The following APBB2 variants were observed in gnomAD, a reference collection of about 807,000 sequenced individuals.
The protein encoded by APBB2 is Fe65-like 1.
In APBB2, 38 loss-of-function variants were observed where a neutral mutation model predicts 82.5. The ratio of observed to expected loss-of-function variants is 0.46; its 90% CI spans 0.36 to 0.60. APBB2 has a LOEUF of 0.60. APBB2 is among the 20% of genes least tolerant of loss of function. The probability of loss-of-function intolerance (pLI) is 0.00; values close to 1 mark genes in which losing one functional copy is unlikely to be tolerated. For missense variants in APBB2, 772 were observed against 972.3 expected (o/e 0.79, Z 2.74); for synonymous variants, 341 against 368.2 (o/e 0.93, Z 0.85).
At chr4:40,854,790 C>CAAAAAAAAAAAAAAAAAAAAA (rs80240731) in intron 12 of APBB2, among the ~76,000 whole-genome samples, 2 of 124,822 alleles carry the variant, frequency 1.6e-5, no homozygotes, top group African/African-American at 3.2e-5. Flanking sequence ...AGTCCATCTC[C>CAAAAAAAAAAAAAAAAAAAAA]AAAAAAAAAA....
At chr4:40,839,635 ACT>A (rs1755146725) in intron 12 of APBB2, among the ~76,000 whole-genome samples, 2 of 152,082 alleles carry the variant, frequency 1.3e-5, no homozygotes, top group South Asian at 4.2e-4. Flanking sequence ...ACTTTGAAAT[ACT>A]GTCTCCTTAT....
In APBB2 at chr4:40,926,735, G is replaced by A. The variant is rs569874452; in HGVS notation, c.1254+7721C>T. The stretch of plus-strand genomic sequence containing the variant: ...CAAAATGATCTTAAAGCTGAGAGAA[G>A]CGATAACTGGGAACAGGTGGGCGTG... On this transcript the variant is annotated intron_variant, in intron 10 of 17. Coordinates refer to ENST00000508593, the MANE Select transcript of APBB2 (RefSeq NM_004307.2). 1.8e-4 allele frequency among the ~76,000 whole-genome samples: 27 copies of A among 152,354 alleles called. 1 individual carries two copies. Among genetic ancestry groups the A allele is most frequent in the Admixed American group, 5.2e-4 (8 of 15,302 alleles).
At chr4:40,943,156 T>C (rs1051417249) in intron 7 of APBB2, among the ~76,000 whole-genome samples, 4 of 152,114 alleles carry the variant, frequency 2.6e-5, no homozygotes, top group African/African-American at 9.7e-5. Context: ...TGACCTAGGA[T>C]CTGGGAGGAT....
chr4:40,999,095 T>C (rs907547353), intron 6 of APBB2, among the ~76,000 whole-genome samples: 11 of 152,218 alleles, frequency 7.2e-5, no homozygotes, highest in African/African-American at 2.2e-4. Context: ...GAGGTAATTA[T>C]ATTTATTCCA....
At chr4:40,933,144 G>T (rs977241340) in intron 10 of APBB2, among the ~76,000 whole-genome samples, 1 of 152,204 alleles carries the variant, frequency 6.6e-6, no homozygotes, top group African/African-American at 2.4e-5. Context: ...GATTACAGGC[G>T]TAAGGCACCA....
chr4:41,048,474 T>C (rs1724245057), intron 4 of APBB2, among the ~76,000 whole-genome samples: 1 of 152,158 alleles, frequency 6.6e-6, no homozygotes, highest in Admixed American at 6.5e-5. Context: ...AACCACTCCA[T>C]GGAGAGAAAA....
chr4:41,108,408 T>C (rs552537017), intron 2 of APBB2, among the ~76,000 whole-genome samples: 1 of 151,834 alleles, frequency 6.6e-6, no homozygotes, highest in Non-Finnish European at 1.5e-5. Context: ...CTGAAGCAAT[T>C]AATGGTTCTC....
chr4:40,921,117 T>C (rs1781150445), intron 10 of APBB2, among the ~76,000 whole-genome samples: 1 of 152,176 alleles, frequency 6.6e-6, no homozygotes, highest in South Asian at 2.1e-4. Context: ...GTGGCAGCAT[T>C]TCCAGAAGTG....
At chr4:41,165,442 G>A (rs1766258538) in intron 1 of APBB2, among the ~76,000 whole-genome samples, 1 of 152,296 alleles carries the variant, frequency 6.6e-6, no homozygotes, top group Non-Finnish European at 1.5e-5. Context: ...GGTTACCCAT[G>A]TAACCAAGTA....
chr4:41,014,442 A>G (rs937221678), intron 5 of APBB2, 44 bp from the exon 6 acceptor site: 10 of 1,528,044 alleles, frequency 6.5e-6, no homozygotes, highest in Non-Finnish European at 9.0e-6. Flanking sequence ...TGATTAAACT[A>G]CTTAGTATAC....
intron 6 of APBB2, among the ~76,000 whole-genome samples, chr4:40,957,959 C>T (rs573578263): frequency 9.9e-5 from 15 of 152,210 alleles, no homozygotes; most frequent in African/African-American, 3.1e-4. Flanking sequence ...TATACATCTC[C>T]GTTCATAGAC....
chr4:40,851,732 ATATATATTTTTT>A (rs1201001528), intron 12 of APBB2, among the ~76,000 whole-genome samples: 6 of 32,758 alleles, frequency 1.8e-4, no homozygotes, highest in Admixed American at 1.3e-3. Flanking sequence ...ATATATATAT[ATATATATTTTTT>A]TTTTTTTTTT....
chr4:41,055,214 G>A (rs1469329236), intron 4 of APBB2, among the ~76,000 whole-genome samples: 1 of 152,172 alleles, frequency 6.6e-6, no homozygotes, highest in Non-Finnish European at 1.5e-5. Context: ...CTTCTTCAGG[G>A]ACACCTTCCC....
intron 12 of APBB2, chr4:40,857,269 G>A (rs1051366639): frequency 2.3e-5 from 17 of 753,064 alleles, no homozygotes; most frequent in East Asian, 1.3e-4. Flanking sequence ...CTCCCGTGAA[G>A]TGCTCCCGCT....
chr4:40,910,017 T>C (rs527983614), intron 10 of APBB2, among the ~76,000 whole-genome samples: 27 of 152,280 alleles, frequency 1.8e-4, no homozygotes, highest in Non-Finnish European at 3.5e-4. Flanking sequence ...CTAGATTTGA[T>C]CTGAGGTTCA....
chr4:41,110,892 C>T (rs1478574387), intron 2 of APBB2, among the ~76,000 whole-genome samples: 1 of 152,108 alleles, frequency 6.6e-6, no homozygotes, highest in Non-Finnish European at 1.5e-5. Context: ...GTTTATAGTG[C>T]ACTTTATTTC....
chr4:40,915,111 T>C (rs13138844), intron 10 of APBB2, among the ~76,000 whole-genome samples: 39,971 of 152,154 alleles, frequency 0.26, 5,870 homozygotes, highest in East Asian at 0.52. Flanking sequence ...CCCCACTGGT[T>C]ATTCCTTTGG....
At chr4:41,078,217 T>A (rs1310190343) in intron 3 of APBB2, among the ~76,000 whole-genome samples, 2 of 151,680 alleles carry the variant, frequency 1.3e-5, no homozygotes, top group Admixed American at 1.3e-4. Context: ...AAAAAAAAAA[T>A]TCAAGAATTA....
At chr4:41,084,153 G>A (rs764377206) in intron 3 of APBB2, among the ~76,000 whole-genome samples, 11 of 152,128 alleles carry the variant, frequency 7.2e-5, no homozygotes, top group East Asian at 1.9e-4. Context: ...GGCTGGGCAC[G>A]GTGGCTCACG....
Sources: gnomAD v4.1 joint callset for allele counts (sites outside exome capture counted in the v4.1 genomes callset) on GRCh38, gnomAD v4.1.1 for gene constraint, MANE v1.5 for transcripts, NCBI Gene and HGNC (gene_info 2026-07-23, HGNC 2026-07-21) for gene names.